The following EPHA6 variants were observed in gnomAD, a reference collection of about 807,000 sequenced individuals.
The protein encoded by EPHA6 is EPH receptor A6.
A neutral mutation model predicts 112.0 loss-of-function variants in EPHA6; 50 were observed. That is an observed-to-expected ratio of 0.45 (90% CI 0.36 to 0.56). EPHA6 has a LOEUF of 0.56. Among genes scored for constraint, EPHA6 ranks in the 20% least tolerant of loss-of-function variants. The pLI, the probability that EPHA6 is intolerant of heterozygous loss-of-function variation, is 0.00. For missense variants in EPHA6, 1,280 were observed against 1,417.4 expected (o/e 0.90, Z 1.56); for synonymous variants, 529 against 490.7 (o/e 1.08, Z -1.03).
intron 5 of EPHA6, among the ~76,000 whole-genome samples, chr3:97,387,788 C>G (rs2086156914): frequency 6.6e-6 from 1 of 152,122 alleles, no homozygotes; most frequent in African/African-American, 2.4e-5. Flanking sequence ...TCCATTCTCA[C>G]ACTCCTATAA....
At chr3:96,890,161 G>T (rs1224359118) in intron 2 of EPHA6, among the ~76,000 whole-genome samples, 2 of 151,470 alleles carry the variant, frequency 1.3e-5, no homozygotes, top group East Asian at 1.9e-4. Context: ...ATTACATATT[G>T]AACTACATTA....
chr3:97,647,156 A>G (rs1343525640), intron 14 of EPHA6, among the ~76,000 whole-genome samples: 1 of 152,158 alleles, frequency 6.6e-6, no homozygotes, highest in Non-Finnish European at 1.5e-5. Flanking sequence ...TCAGAACTAC[A>G]AGCAAGAAAG....
chr3:96,818,374 T>G (rs1000733797), intron 1 of EPHA6, among the ~76,000 whole-genome samples: 1 of 151,946 alleles, frequency 6.6e-6, no homozygotes, highest in African/African-American at 2.4e-5. Flanking sequence ...CTCAAATAAT[T>G]CAATTAAGTC....
At chr3:97,200,635 C>T (rs116186800) in intron 3 of EPHA6, among the ~76,000 whole-genome samples, 4,675 of 152,184 alleles carry the variant, frequency 0.031, 94 homozygotes, top group Non-Finnish European at 0.05. Context: ...GCCTCCATTA[C>T]CCAGATTCTT....
At chr3:96,998,579 C>T (rs2043510015) in intron 3 of EPHA6, among the ~76,000 whole-genome samples, 1 of 151,572 alleles carries the variant, frequency 6.6e-6, no homozygotes, top group African/African-American at 2.4e-5. Context: ...ATGTTATTTC[C>T]CCGTCTATGA....
At chr3:97,437,102 T>C (rs1055728668) in intron 6 of EPHA6, among the ~76,000 whole-genome samples, 21 of 152,022 alleles carry the variant, frequency 1.4e-4, no homozygotes, top group Admixed American at 4.6e-4. Flanking sequence ...GTGTATTTTA[T>C]GTGTGGCCCA....
intron 12 of EPHA6, among the ~76,000 whole-genome samples, chr3:97,595,068 A>G (rs2093576379): frequency 6.6e-6 from 1 of 152,242 alleles, no homozygotes; most frequent in African/African-American, 2.4e-5. Context: ...ACACTGTGCT[A>G]TTAAAAAGCA....
At chr3:97,317,411 T>C (rs1040109123) in intron 5 of EPHA6, among the ~76,000 whole-genome samples, 4 of 151,936 alleles carry the variant, frequency 2.6e-5, no homozygotes, top group Non-Finnish European at 5.9e-5. Context: ...ACAAAAAAAG[T>C]GTTTAATTTT....
At chr3:97,058,457 G>A (rs1000754859) in intron 3 of EPHA6, among the ~76,000 whole-genome samples, 33 of 151,816 alleles carry the variant, frequency 2.2e-4, no homozygotes, top group Admixed American at 1.8e-3. Flanking sequence ...ACCACCCTCC[G>A]GCCCCAGCTA....
intron 3 of EPHA6, among the ~76,000 whole-genome samples, chr3:97,219,989 C>G (rs2078143945): frequency 6.6e-6 from 1 of 152,110 alleles, no homozygotes; most frequent in South Asian, 2.1e-4. Context: ...TGCCAGATAC[C>G]CTAAATCATC....
At chr3:97,729,188 T>C (rs1461958292) in intron 15 of EPHA6, among the ~76,000 whole-genome samples, 1 of 152,116 alleles carries the variant, frequency 6.6e-6, no homozygotes, top group African/African-American at 2.4e-5. Flanking sequence ...TTTTCTATAA[T>C]TCTTTTTATT....
At chr3:97,552,679 A>G (rs1036415476) in intron 11 of EPHA6, among the ~76,000 whole-genome samples, 2 of 152,210 alleles carry the variant, frequency 1.3e-5, no homozygotes, top group African/African-American at 4.8e-5. Context: ...TCAAATGGTA[A>G]CCTCAGTGGT....
intron 2 of EPHA6, among the ~76,000 whole-genome samples, chr3:96,985,722 G>A (rs1290641600): frequency 1.3e-5 from 2 of 152,156 alleles, no homozygotes; most frequent in East Asian, 1.9e-4. Context: ...TTTGGATAAA[G>A]ATTGTGTTAA....
intron 4 of EPHA6, among the ~76,000 whole-genome samples, chr3:97,228,723 G>A (rs2078435011): frequency 3.9e-5 from 6 of 152,056 alleles, no homozygotes; most frequent in Admixed American, 3.9e-4. Flanking sequence ...TTTCCTCTGG[G>A]TAGATAGATA....
chr3:97,668,457 G>A (rs143993505), intron 14 of EPHA6, among the ~76,000 whole-genome samples: 23 of 152,180 alleles, frequency 1.5e-4, no homozygotes, highest in Non-Finnish European at 3.1e-4. Flanking sequence ...TGGGGATCAG[G>A]ATCCCTCCTT....
chr3:97,592,467 T>TA, intron 11 of EPHA6, 145 bp from the exon 12 acceptor site: 3 of 884,224 alleles, frequency 3.4e-6, no homozygotes, highest in Admixed American at 3.0e-5. Context: ...ATTTATGGAG[T>TA]AAAAAATGCA....
intron 7 of EPHA6, among the ~76,000 whole-genome samples, chr3:97,469,993 T>C (rs4857061): frequency 0.19 from 28,683 of 151,440 alleles, 4,096 homozygotes; most frequent in African/African-American, 0.38. Flanking sequence ...CCTATGCTTT[T>C]AAACCCACGT....
chr3:96,918,616 A>G (rs1457543904), intron 2 of EPHA6, among the ~76,000 whole-genome samples: 1 of 152,026 alleles, frequency 6.6e-6, no homozygotes, highest in South Asian at 2.1e-4. Context: ...AGTTTTAATA[A>G]TATTTTATTT....
At chr3:96,954,806 A>G (rs2041693308) in intron 2 of EPHA6, among the ~76,000 whole-genome samples, 1 of 39,750 alleles carries the variant, frequency 2.5e-5, no homozygotes, top group Admixed American at 3.9e-4. Context: ...TTTTTTTTTG[A>G]GACGGAGTCT....
Sources: gnomAD v4.1 joint callset for allele counts (sites outside exome capture counted in the v4.1 genomes callset) on GRCh38, gnomAD v4.1.1 for gene constraint, MANE v1.5 for transcripts, NCBI Gene and HGNC (gene_info 2026-07-23, HGNC 2026-07-21) for gene names.